VPS13B: variants seen among roughly 807,000 people sequenced by gnomAD.
The protein encoded by VPS13B is vacuolar protein sorting 13 homolog B, also known as intermembrane lipid transfer protein VPS13B.
VPS13B carries 285 observed loss-of-function variants against 426.4 expected under a neutral mutation model. The ratio of observed to expected loss-of-function variants is 0.67; its 90% confidence interval spans 0.61 to 0.74. The LOEUF (loss-of-function observed/expected upper bound fraction) is 0.74, where lower values mean the gene tolerates loss of function less well. Ranked by LOEUF, VPS13B falls within the 30% of genes least tolerant of loss-of-function variation. VPS13B has a pLI of 0.00. For missense variants in VPS13B, 4,537 were observed against 4,782.6 expected, an observed-to-expected ratio of 0.95 and a Z score of 1.51; for synonymous variants, 1,676 against 1,676.4, an observed-to-expected ratio of 1.00 and a Z score of 0.01.
chr8:99,587,251 T>G (rs1826352400), intron 33 of VPS13B, among the ~76,000 whole-genome samples: 1 of 152,198 alleles, frequency 6.6e-6, no homozygotes, highest in South Asian at 2.1e-4. Context: ...GTTCCAAGTC[T>G]TTGCTATTGT....
chr8:99,652,225 C>A (rs887964498), intron 34 of VPS13B, among the ~76,000 whole-genome samples: 2 of 152,054 alleles, frequency 1.3e-5, no homozygotes, highest in Non-Finnish European at 2.9e-5. Flanking sequence ...AAGTTTTAAT[C>A]CTGATTCTAC....
At chr8:99,022,445 T>G (rs1841945714) in intron 2 of VPS13B, among the ~76,000 whole-genome samples, 1 of 152,304 alleles carries the variant, frequency 6.6e-6, no homozygotes, top group Admixed American at 6.5e-5. Context: ...ATCTTTCTGT[T>G]ACTGATTTCT....
At chr8:99,724,560 G>C (rs908462977) in intron 39 of VPS13B, among the ~76,000 whole-genome samples, 4 of 151,446 alleles carry the variant, frequency 2.6e-5, no homozygotes, top group African/African-American at 9.7e-5. Context: ...TGATCTTTTT[G>C]AGCTTCAGTT....
rs551148881 is a variant in VPS13B, at chr8:99,765,324, A to G, written c.7051-1450A>G. On this transcript the variant is annotated intron_variant, in intron 39 of 61. Coordinates refer to ENST00000357162, the MANE Select transcript of VPS13B (RefSeq NM_152564.5). Reference sequence around the variant, plus strand: ...TTCTTAAACTGAAAGGTTAGTAAATAAAATATTACATTATTGCTTTAATTT... The same window carrying G: ...TTCTTAAACTGAAAGGTTAGTAAATGAAATATTACATTATTGCTTTAATTT... Among the ~76,000 whole-genome samples the G allele has an allele frequency of 5.3e-5, 8 of 152,192 alleles. No homozygotes were observed. In the South Asian group the frequency reaches 1.4e-3, roughly 28 times the overall value.
chr8:99,188,526 A>G (rs1298095622), intron 16 of VPS13B, among the ~76,000 whole-genome samples: 2 of 152,176 alleles, frequency 1.3e-5, no homozygotes, highest in Admixed American at 6.5e-5. Flanking sequence ...ATAGTGCCGC[A>G]ATGAACATTC....
At chr8:99,759,223 C>A (rs931931444) in intron 39 of VPS13B, among the ~76,000 whole-genome samples, 1 of 152,276 alleles carries the variant, frequency 6.6e-6, no homozygotes, top group Middle Eastern at 3.4e-3. Flanking sequence ...CTCCCATGCA[C>A]AAGCCCTGGA....
intron 7 of VPS13B, among the ~76,000 whole-genome samples, chr8:99,117,157 C>T (rs1271906525): frequency 1.3e-5 from 2 of 151,836 alleles, no homozygotes; most frequent in East Asian, 3.9e-4. Flanking sequence ...AACTTAGGGG[C>T]AAATAACCCA....
chr8:99,821,711 T>G (rs1277774593), intron 50 of VPS13B, among the ~76,000 whole-genome samples: 2 of 152,192 alleles, frequency 1.3e-5, no homozygotes, highest in Admixed American at 6.5e-5. Flanking sequence ...ATTGTTCTAT[T>G]TCAGAATACT....
chr8:99,766,504 A>G (rs1020155401), intron 39 of VPS13B, among the ~76,000 whole-genome samples: 1 of 152,204 alleles, frequency 6.6e-6, no homozygotes, highest in Non-Finnish European at 1.5e-5. Flanking sequence ...TGGGTTTATA[A>G]TACATTTAAC....
At chr8:99,379,564 C>G (rs1175248478) in intron 19 of VPS13B, among the ~76,000 whole-genome samples, 1 of 152,044 alleles carries the variant, frequency 6.6e-6, no homozygotes, top group Non-Finnish European at 1.5e-5. Flanking sequence ...TCACTTTCTC[C>G]AACCTTCATC....
chr8:99,206,718 G>A (rs1814744891), intron 17 of VPS13B, among the ~76,000 whole-genome samples: 1 of 152,096 alleles, frequency 6.6e-6, no homozygotes, highest in African/African-American at 2.4e-5. Flanking sequence ...AGTTATGGAG[G>A]TATTCTTCCC....
At chr8:99,447,698 A>C (rs761552014) in intron 23 of VPS13B, among the ~76,000 whole-genome samples, 2 of 152,110 alleles carry the variant, frequency 1.3e-5, no homozygotes, top group Non-Finnish European at 2.9e-5. Flanking sequence ...GTGTGCATGC[A>C]TGTGTATATG....
chr8:99,192,058 T>A (rs1813629108), intron 16 of VPS13B, among the ~76,000 whole-genome samples: 1 of 152,146 alleles, frequency 6.6e-6, no homozygotes, highest in African/African-American at 2.4e-5. Flanking sequence ...TATTTTTGTT[T>A]TATTGTTCTT....
intron 36 of VPS13B, among the ~76,000 whole-genome samples, 198 bp downstream of exon 36, chr8:99,700,130 G>A (rs1473062134): frequency 6.6e-6 from 1 of 152,194 alleles, no homozygotes; most frequent in Non-Finnish European, 1.5e-5. Flanking sequence ...TGTCTAAACA[G>A]AAATGTTCCT....
chr8:99,642,089 A>G lies in VPS13B; in HGVS notation c.5499A>G (p.Lys1833=), dbSNP rs145048987. The G allele has an allele frequency of 6.2e-7, 1 of 1,614,122 alleles. No individual in the cohort carries two copies. The highest frequency in any genetic ancestry group is 8.5e-7 in the Non-Finnish European group (1 of 1,180,016). Residue 1833 remains lysine (K), a synonymous_variant, in exon 34 of 62, where the codon AAA becomes AAG. Transcript: ENST00000357162. ...CCTATTCCTGTATGGCCTTATCCAAATCGAAATCACAAGAACAGAAGAATA... is the reference window on the plus strand; with the variant it reads ...CCTATTCCTGTATGGCCTTATCCAAGTCGAAATCACAAGAACAGAAGAATA... ...LMTYSCMALS[K]SKSQEQKNNE...
rs146742130 is a variant in VPS13B, at chr8:99,527,272, A to C, written c.4745+6262A>C. 6.3e-3 allele frequency among the ~76,000 whole-genome samples: 952 copies of C among 152,270 alleles called. 8 individuals are homozygous for C. The highest frequency in any genetic ancestry group is 0.022 in the African/African-American group (894 of 41,558). ...TGTAAAATAATAAAACACTTCTGTT[A>C]ACTAACACCTTATATGAATTTGTAC... On this transcript the variant is annotated intron_variant, in intron 30 of 61. Transcript: ENST00000357162.
intron 33 of VPS13B, among the ~76,000 whole-genome samples, chr8:99,635,345 G>A (rs1829027189): frequency 6.6e-6 from 1 of 151,816 alleles, no homozygotes; most frequent in African/African-American, 2.4e-5. Flanking sequence ...TAATTTATAA[G>A]ATATGAAATA....
At chr8:99,823,177 C>A (rs1814476219) in intron 50 of VPS13B, among the ~76,000 whole-genome samples, 1 of 152,172 alleles carries the variant, frequency 6.6e-6, no homozygotes, top group Non-Finnish European at 1.5e-5. Context: ...CCTAGTTAGA[C>A]CCTCTTCATC....
chr8:99,421,012 A>C (rs2133380364), intron 21 of VPS13B, among the ~76,000 whole-genome samples: 1 of 152,302 alleles, frequency 6.6e-6, no homozygotes, highest in Non-Finnish European at 1.5e-5. Context: ...ACATTACAAC[A>C]TTTAAATTGA....
Sources: allele counts gnomAD v4.1 joint callset (sites outside exome capture counted in the v4.1 genomes callset), GRCh38; gene constraint gnomAD v4.1.1; transcripts MANE v1.5; gene names NCBI Gene and HGNC (gene_info 2026-07-23, HGNC 2026-07-21).